Variants in METTL15 observed in about 807,000 individuals in gnomAD.
METTL15 encodes methyltransferase 15, mitochondrial 12S rRNA N4-cytidine.
Under a neutral mutation model 38.3 loss-of-function variants are expected in METTL15, and 34 were observed. That is an observed-to-expected ratio of 0.89 (90% CI 0.68 to 1.18). The LOEUF is 1.18. Ranked by LOEUF, METTL15 falls within the 50% of genes most tolerant of loss-of-function variation. METTL15 has a pLI of 0.00. For synonymous variants in METTL15, 162 were observed against 170.9 expected (o/e 0.95, Z 0.41); for missense variants, 438 against 498.4 (o/e 0.88, Z 1.15).
intron 6 of METTL15, among the ~76,000 whole-genome samples, chr11:28,455,897 G>T (rs1025845322): frequency 6.6e-6 from 1 of 151,956 alleles, no homozygotes; most frequent in Non-Finnish European, 1.5e-5. Flanking sequence ...TAGTAGAGAT[G>T]GGGTTTCACT....
intron 3 of METTL15, chr11:28,145,259 A>C (rs917351231): frequency 3.3e-5 from 5 of 152,038 alleles, no homozygotes; most frequent in Non-Finnish European, 5.9e-5. Flanking sequence ...TATACTTTTA[A>C]AATTCCTCCT....
At chr11:28,163,577 A>G in intron 3 of METTL15, 2 of 395,234 alleles carry the variant, frequency 5.1e-6, no homozygotes, top group Non-Finnish European at 8.9e-6. Flanking sequence ...GTTTGTCTGG[A>G]GAATACACAA....
intron 6 of METTL15, among the ~76,000 whole-genome samples, chr11:28,511,363 G>C (rs1033884767): frequency 1.3e-5 from 2 of 152,206 alleles, no homozygotes; most frequent in Non-Finnish European, 2.9e-5. Flanking sequence ...ATGTAAGCTA[G>C]ATAAAAGAAT....
At chr11:28,394,954 A>G (rs1554919986) in intron 5 of METTL15, among the ~76,000 whole-genome samples, 1 of 152,132 alleles carries the variant, frequency 6.6e-6, no homozygotes. Context: ...AGATGCCACA[A>G]TGGCTGATTT....
At chr11:28,336,425 T>G (rs1408880173), downstream of METTL15, among the ~76,000 whole-genome samples, 1 of 152,128 alleles carries the variant, frequency 6.6e-6, no homozygotes, top group Non-Finnish European at 1.5e-5. Context: ...TGTGAGATAT[T>G]AGATGGAAGA....
chr11:28,365,602 A>C (rs1042294980), intron 5 of METTL15, among the ~76,000 whole-genome samples: 3 of 151,920 alleles, frequency 2.0e-5, no homozygotes, highest in African/African-American at 7.3e-5. Context: ...TGTTAATTAC[A>C]TTCCTCATTT....
intron 3 of METTL15, among the ~76,000 whole-genome samples, chr11:28,204,792 C>G (rs1286591265): frequency 2.0e-5 from 3 of 151,736 alleles, no homozygotes; most frequent in Admixed American, 6.6e-5. Context: ...ACTTTTTATT[C>G]CCATTTATTC....
At chr11:28,249,243 TATCTTCATAAGC>T in intron 4 of METTL15, among the ~76,000 whole-genome samples, 1 of 152,106 alleles carries the variant, frequency 6.6e-6, no homozygotes, top group Non-Finnish European at 1.5e-5. Context: ...CAGTGGTACC[TATCTTCATAAGC>T]ATCTTCCGAG....
At chr11:28,491,760 A>G (rs770366723) in intron 6 of METTL15, among the ~76,000 whole-genome samples, 1 of 152,178 alleles carries the variant, frequency 6.6e-6, no homozygotes, top group Non-Finnish European at 1.5e-5. Context: ...CAGATAGACA[A>G]CAAATACCTT....
chr11:28,378,601 G>A (rs1251287036), intron 5 of METTL15, among the ~76,000 whole-genome samples: 1 of 152,142 alleles, frequency 6.6e-6, no homozygotes, highest in Non-Finnish European at 1.5e-5. Context: ...TGGAAATGCA[G>A]AAATCACCCT....
chr11:28,409,683 A>G (rs1850708654), intron 5 of METTL15, among the ~76,000 whole-genome samples: 1 of 152,112 alleles, frequency 6.6e-6, no homozygotes, highest in African/African-American at 2.4e-5. Context: ...AAGAAGAAAA[A>G]TACCTCAAAT....
intron 6 of METTL15, among the ~76,000 whole-genome samples, chr11:28,490,473 G>A (rs575689164): frequency 3.9e-5 from 6 of 152,180 alleles, no homozygotes; most frequent in South Asian, 2.1e-4. Context: ...ATGGAAACAC[G>A]TTTGGTGGCT....
At chr11:28,480,298 C>G (rs972146532) in intron 6 of METTL15, among the ~76,000 whole-genome samples, 1 of 152,128 alleles carries the variant, frequency 6.6e-6, no homozygotes, top group African/African-American at 2.4e-5. Flanking sequence ...TGATTTTAAG[C>G]TACCAACACA....
intron 3 of METTL15, among the ~76,000 whole-genome samples, chr11:28,149,952 A>G (rs1850022897): frequency 6.6e-6 from 1 of 151,972 alleles, no homozygotes; most frequent in Non-Finnish European, 1.5e-5. Flanking sequence ...TAGAAAAATA[A>G]ATTGAATAAT....
At chr11:28,254,133 C>T (rs980235608) in intron 4 of METTL15, among the ~76,000 whole-genome samples, 4 of 152,108 alleles carry the variant, frequency 2.6e-5, no homozygotes, top group Admixed American at 6.5e-5. Flanking sequence ...CTACATTCTA[C>T]CAGCATTTGT....
intron 5 of METTL15, among the ~76,000 whole-genome samples, chr11:28,402,480 C>T (rs1850638569): frequency 6.6e-6 from 1 of 151,794 alleles, no homozygotes; most frequent in Admixed American, 6.6e-5. Flanking sequence ...GGATCTATAC[C>T]CTACTTACTA....
chr11:28,342,034 A>G (rs565566120), intron 3 of METTL15, among the ~76,000 whole-genome samples: 66 of 152,140 alleles, frequency 4.3e-4, no homozygotes, highest in Non-Finnish European at 9.0e-4. Flanking sequence ...TCTTGGGCCC[A>G]CTTCAATGTC....
rs747102577 is a variant in METTL15 at position 28,296,884 on chromosome 11, G to A, written c.731G>A (p.Ser244Asn). ...KIASAIVQAR[S>N]IYPITRTQQL... is the part of the protein sequence containing the mutation. Reference sequence around the variant, plus strand: ...GCTTCAGCAATTGTTCAGGCACGCAGCATCTACCCCATCACCAGAACCCAG... The same window carrying A: ...GCTTCAGCAATTGTTCAGGCACGCAACATCTACCCCATCACCAGAACCCAG... Residue 244 changes from serine (S) to asparagine (N), a missense_variant, in exon 6 of 7, where the codon AGC (serine) becomes AAC (asparagine). Physicochemically the swap from Ser to Asn is conservative, Grantham distance 46 (BLOSUM62 1). Transcript: ENST00000407364. 5 of 1,613,466 alleles carry A rather than the reference G, an allele frequency of 3.1e-6. No homozygotes were observed. The highest frequency in any genetic ancestry group is 1.1e-5 in the South Asian group (1 of 91,084).
chr11:28,292,958 C>G (rs1386641037), intron 5 of METTL15, among the ~76,000 whole-genome samples: 1 of 152,088 alleles, frequency 6.6e-6, no homozygotes, highest in Non-Finnish European at 1.5e-5. Flanking sequence ...GATATTAGCC[C>G]TTTGTCAGAT....
Sources: allele counts gnomAD v4.1 joint callset (sites outside exome capture counted in the v4.1 genomes callset), GRCh38; gene constraint gnomAD v4.1.1; transcripts MANE v1.5; gene names NCBI Gene and HGNC (gene_info 2026-07-23, HGNC 2026-07-21).